CEP85L: variants seen among roughly 807,000 people sequenced by gnomAD.
CEP85L encodes centrosomal protein of 85 kDa-like.
In CEP85L, 60 loss-of-function variants were observed where a neutral mutation model predicts 100.3. The observed-to-expected ratio is 0.60, with a 90% CI of 0.49 to 0.74. The LOEUF (loss-of-function observed/expected upper bound fraction) is 0.74, where lower values mean the gene tolerates loss of function less well. CEP85L is among the 30% of genes least tolerant of loss of function. The probability of loss-of-function intolerance (pLI) is 0.00; values close to 1 mark genes in which losing one functional copy is unlikely to be tolerated. For missense variants in CEP85L, 973 were observed against 936.2 expected, an observed-to-expected ratio of 1.04 and a Z score of -0.51; for synonymous variants, 319 against 322.7, an observed-to-expected ratio of 0.99 and a Z score of 0.12.
At chr6:118,664,043 G>T (rs945286132) in intron 1 of CEP85L, among the ~76,000 whole-genome samples, 1 of 150,710 alleles carries the variant, frequency 6.6e-6, no homozygotes, top group African/African-American at 2.4e-5. Context: ...TTACAGGAAC[G>T]CACCACTATG....
At chr6:118,591,552 T>C (rs1583123678) in intron 2 of CEP85L, among the ~76,000 whole-genome samples, 1 of 152,190 alleles carries the variant, frequency 6.6e-6, no homozygotes, top group South Asian at 2.1e-4. Context: ...CAGCCTCTGA[T>C]TGGTCACTTT....
chr6:118,611,066 C>A (rs774759160), intron 2 of CEP85L, among the ~76,000 whole-genome samples: 8 of 151,878 alleles, frequency 5.3e-5, no homozygotes, highest in Non-Finnish European at 8.8e-5. Context: ...AAAAAAGAAA[C>A]CTTGGAACAT....
At chr6:118,654,758 G>A (rs1045272308), upstream of CEP85L, among the ~76,000 whole-genome samples, 3 of 152,216 alleles carry the variant, frequency 2.0e-5, no homozygotes, top group African/African-American at 7.2e-5. Context: ...GTAAATTGGG[G>A]ATTATAATGA....
At chr6:118,582,692 A>T (rs1780641975) in intron 2 of CEP85L, among the ~76,000 whole-genome samples, 1 of 152,346 alleles carries the variant, frequency 6.6e-6, no homozygotes, top group African/African-American at 2.4e-5. Context: ...GATAGACCAG[A>T]TGAGAATCCC....
chr6:118,677,696 C>G lies in CEP85L; in HGVS notation c.-27-24888G>C, dbSNP rs1313089755. On this transcript the variant is annotated intron_variant, in intron 1 of 13. Transcript: ENST00000368488. Reference sequence around the variant, plus strand: ...ATTCATTAATGATCCTTCTTCTTCTCCTGTATTTTCTATCTTGATTAGTGA... The same window carrying G: ...ATTCATTAATGATCCTTCTTCTTCTGCTGTATTTTCTATCTTGATTAGTGA... 2.0e-5 allele frequency among the ~76,000 whole-genome samples: 3 copies of G among 152,286 alleles called. No homozygotes were observed. In the East Asian group the frequency reaches 5.8e-4, roughly 29 times the overall value.
chr6:118,665,086 T>G (rs1257534151), intron 1 of CEP85L, among the ~76,000 whole-genome samples: 3 of 152,220 alleles, frequency 2.0e-5, no homozygotes, highest in Non-Finnish European at 2.9e-5. Context: ...GAGTATGCTT[T>G]CTTTGTGCAG....
intron 2 of CEP85L, among the ~76,000 whole-genome samples, chr6:118,585,320 C>A (rs774008623): frequency 6.6e-6 from 1 of 152,194 alleles, no homozygotes; most frequent in Non-Finnish European, 1.5e-5. Flanking sequence ...CCTATAAATA[C>A]CTCCAGGAAA....
chr6:118,501,752 GA>G, intron 5 of CEP85L: 1 of 888,368 alleles, frequency 1.1e-6, no homozygotes, highest in Non-Finnish European at 1.9e-6. Context: ...GAAAAAACTT[GA>G]AAGCAGAAAG....
At chr6:118,519,501 TGC>T (rs1776512261) in intron 4 of CEP85L, among the ~76,000 whole-genome samples, 4 of 56,180 alleles carry the variant, frequency 7.1e-5, no homozygotes, top group African/African-American at 1.5e-4. Context: ...AAACTCCGTG[TGC>T]GTGTGTGTGG....
At chr6:118,514,540 A>AAAAG (rs1562217615) in intron 4 of CEP85L, among the ~76,000 whole-genome samples, 1 of 142,720 alleles carries the variant, frequency 7.0e-6, no homozygotes, top group Non-Finnish European at 1.5e-5. Flanking sequence ...AAAAAAAAAA[A>AAAAG]AAAGAAAACA....
rs117801344 is a variant in CEP85L at position 118,602,852 on chromosome 6, G to T, written c.232+29601C>A. The stretch of plus-strand genomic sequence containing the variant: ...TTTTTTTTTTTGGAGATATAGTCTC[G>T]CACGGTCACCCAGGCTGGAGTGCAA... On this transcript the variant is annotated intron_variant, in intron 2 of 12. Transcript: ENST00000368491. Among the ~76,000 whole-genome samples the T allele has an allele frequency of 3.3e-5, 5 of 149,678 alleles. No homozygotes were observed. The South Asian group carries it at 1.1e-3, about 32-fold the overall frequency.
rs1583062970 is a variant in CEP85L, at chr6:118,566,333, T to C, written c.233-17A>G. ...TTGAATGATCTGGAAAGAAAAAAGA[T>C]GGTCAAATTAGTTACAATTAACAGA... On this transcript the variant is annotated splice_polypyrimidine_tract_variant and intron_variant, in intron 2 of 12. Transcript: ENST00000368491. The C allele has an allele frequency of 6.3e-7, 1 of 1,590,420 alleles. No homozygotes were observed. Among genetic ancestry groups the C allele is most frequent in the Non-Finnish European group, 8.6e-7 (1 of 1,168,350 alleles).
At chr6:118,600,118 AAT>A (rs1231429924) in intron 2 of CEP85L, among the ~76,000 whole-genome samples, 1 of 152,072 alleles carries the variant, frequency 6.6e-6, no homozygotes, top group East Asian at 1.9e-4. Flanking sequence ...GGAAGTGGCA[AAT>A]ATGTCTTAAA....
chr6:118,542,395 G>T (rs1777944826), intron 3 of CEP85L, among the ~76,000 whole-genome samples: 1 of 151,976 alleles, frequency 6.6e-6, no homozygotes, highest in Admixed American at 6.6e-5. Context: ...GTAGTTTAAA[G>T]AAATGAATTA....
chr6:118,564,119 C>T (rs574891976), intron 3 of CEP85L, among the ~76,000 whole-genome samples: 6 of 147,034 alleles, frequency 4.1e-5, no homozygotes, highest in Non-Finnish European at 7.6e-5. Flanking sequence ...TGTCCCCAAC[C>T]TCCCTACCCT....
intron 1 of CEP85L, among the ~76,000 whole-genome samples, chr6:118,671,475 G>T: frequency 6.6e-6 from 1 of 152,254 alleles, no homozygotes; most frequent in South Asian, 2.1e-4. Flanking sequence ...ATTAATTTCC[G>T]TTAGTAAAAT....
rs1221491451 is a variant in CEP85L, at chr6:118,463,262, A to T, written c.*2143T>A. 2 of 151,908 alleles carry T rather than the reference A, an allele frequency of 1.3e-5. No individual in the cohort carries two copies. The highest frequency in any genetic ancestry group is 2.9e-5 in the Non-Finnish European group (2 of 67,896). 9.4% of individuals were successfully genotyped at this position (151,908 alleles called of 1,614,324 possible). ...GTAACGTCTGCTTAAAAAAAAAAAA[A>T]TAAATAAACCCATAAAATCCCAAAA... On this transcript the variant is annotated 3_prime_UTR_variant, in exon 13 of 13. Coordinates refer to ENST00000368491, the MANE Select transcript of CEP85L (RefSeq NM_001042475.3).
intron 5 of CEP85L, among the ~76,000 whole-genome samples, chr6:118,498,331 CA>C (rs1334388647): frequency 6.6e-6 from 1 of 151,558 alleles, no homozygotes; most frequent in African/African-American, 2.4e-5. Flanking sequence ...CCCATATCTA[CA>C]AAAAATAAAA....
rs1384066925 is a variant in CEP85L at position 118,483,695 on chromosome 6, T to C, written c.1590+11A>G. 8 of 1,596,178 alleles carry C rather than the reference T, an allele frequency of 5.0e-6. No individual in the cohort carries two copies. In the Admixed American group the frequency reaches 1.1e-4, roughly 22 times the overall value. On this transcript the variant is annotated intron_variant, in intron 7 of 12. Transcript: ENST00000368491. ...ATGTCATTTAAAGATAAGCATTTTATTTCATGTTACCTGTAGACTCTGACT... is the reference window on the plus strand; with the variant it reads ...ATGTCATTTAAAGATAAGCATTTTACTTCATGTTACCTGTAGACTCTGACT...
Sources: gnomAD v4.1 joint callset for allele counts (sites outside exome capture counted in the v4.1 genomes callset) on GRCh38, gnomAD v4.1.1 for gene constraint, MANE v1.5 for transcripts, NCBI Gene and HGNC (gene_info 2026-07-23, HGNC 2026-07-21) for gene names.